ALDH7A1: variants seen among roughly 807,000 people sequenced by gnomAD.
ALDH7A1 encodes the protein alpha-aminoadipic semialdehyde dehydrogenase.
In ALDH7A1, 63 loss-of-function variants were observed where a neutral mutation model predicts 79.9. That is an observed-to-expected ratio of 0.79 (90% CI 0.64 to 0.97). ALDH7A1 has a LOEUF of 0.97. Ranked by LOEUF, ALDH7A1 falls within the 50% of genes least tolerant of loss-of-function variation. The pLI, the probability that ALDH7A1 is intolerant of heterozygous loss-of-function variation, is 0.00. For synonymous variants in ALDH7A1, 240 were observed against 231.2 expected (o/e 1.04, Z -0.34); for missense variants, 627 against 665.2 (o/e 0.94, Z 0.63).
chr5:126,554,730 T>C (rs1302107672), intron 12 of ALDH7A1: 1 of 371,250 alleles, frequency 2.7e-6, no homozygotes, highest in Admixed American at 3.7e-5. Context: ...GGAATGGCTA[T>C]CAATTACTCA....
intron 9 of ALDH7A1, among the ~76,000 whole-genome samples, chr5:126,567,330 T>C (rs1415069440): frequency 6.6e-6 from 1 of 152,230 alleles, no homozygotes; most frequent in South Asian, 2.1e-4. Flanking sequence ...GACTGTACCC[T>C]TTCTACAGGA....
At chr5:126,587,071 T>C (rs1001466114) in intron 3 of ALDH7A1, 1 of 149,408 alleles carries the variant, frequency 6.7e-6, no homozygotes, top group Non-Finnish European at 1.5e-5. Context: ...AGAGTAAGAC[T>C]GTCTCAAAAA....
At chr5:126,559,497 A>G in intron 10 of ALDH7A1, 163 bp from the exon 11 acceptor site, 1 of 564,498 alleles carries the variant, frequency 1.8e-6, no homozygotes, top group Non-Finnish European at 3.2e-6. Flanking sequence ...GTGCAATGGC[A>G]CGATCTCGGC....
Position 126,543,947 on chromosome 5 carries a change from A to G in ALDH7A1, c.*1018T>C, listed in dbSNP as rs1168140371. On this transcript the variant is annotated 3_prime_UTR_variant, in exon 18 of 18. Transcript: ENST00000409134. The stretch of plus-strand genomic sequence containing the variant: ...TAAAGAAGGTGGTCTAAGGTTGTAT[A>G]AAAAAATCCAGATGCACTTTTTTTT... 6.6e-6 allele frequency: 1 copy of G among 151,594 alleles called. No homozygotes were observed. The highest frequency in any genetic ancestry group is 1.5e-5 in the Non-Finnish European group (1 of 68,040). The allele number at this position is 151,594 out of a possible 1,614,324, so 9.4% of individuals were successfully genotyped here.
chr5:126,582,677 T>A (rs1235999980), intron 5 of ALDH7A1, 174 bp downstream of exon 5: 4 of 782,016 alleles, frequency 5.1e-6, no homozygotes, highest in Non-Finnish European at 8.1e-6. Context: ...AGGTTCTTGA[T>A]CTAACATTTT....
chr5:126,592,690 T>C lies in ALDH7A1; in HGVS notation c.286A>G (p.Arg96Gly), dbSNP rs1751591318. ...ADYEETVKKAREAWKIWADIP... is the reference protein window; with the variant it reads ...ADYEETVKKAGEAWKIWADIP... Reference sequence around the variant, plus strand: ...TCTGCCCAGATTTTCCATGCTTCTCTTGCTTTCTTTACAGTTTCTTCATAG... The same window carrying C: ...TCTGCCCAGATTTTCCATGCTTCTCCTGCTTTCTTTACAGTTTCTTCATAG... Residue 96 changes from arginine to glycine, a missense_variant, in exon 3 of 18, where the codon AGA (arginine) becomes GGA (glycine). By Grantham distance (125) the Arg-to-Gly change is moderately radical (BLOSUM62 -2). Coordinates refer to ENST00000409134, the MANE Select transcript of ALDH7A1 (RefSeq NM_001182.5). The C allele has an allele frequency of 6.2e-7, 1 of 1,614,140 alleles. No individual in the cohort carries two copies. Among genetic ancestry groups the C allele is most frequent in the Non-Finnish European group, 8.5e-7 (1 of 1,180,028 alleles).
Position 126,578,446 on chromosome 5 carries a change from T to C in ALDH7A1, c.518-1235A>G, listed in dbSNP as rs1036796477. Among the ~76,000 whole-genome samples the C allele has an allele frequency of 3.9e-5, 6 of 151,958 alleles. No homozygotes were observed. The East Asian group carries it at 1.2e-3, about 29-fold the overall frequency. ...AATCACTTGAGCTCAGTTTGAGACT[T>C]GGATCAACATGGCAAGACCCCTGAC... On this transcript the variant is annotated intron_variant, in intron 5 of 17. Transcript: ENST00000409134.
intron 9 of ALDH7A1, chr5:126,567,899 T>G: frequency 3.3e-6 from 1 of 305,988 alleles, no homozygotes; most frequent in Admixed American, 4.2e-5. Flanking sequence ...TTCTCTTGCC[T>G]CAGCCTCCCG....
intron 9 of ALDH7A1, among the ~76,000 whole-genome samples, chr5:126,565,219 C>G (rs1404012698): frequency 6.6e-6 from 1 of 151,804 alleles, no homozygotes; most frequent in Non-Finnish European, 1.5e-5. Context: ...ATGGTGAAAC[C>G]CTGTCTCTAC....
chr5:126,571,234 T>G, intron 7 of ALDH7A1: 1 of 284,470 alleles, frequency 3.5e-6, no homozygotes, highest in Non-Finnish European at 6.7e-6. Context: ...TCCCAGCACT[T>G]TGGGAGGCCG....
Position 126,542,586 on chromosome 5 carries a change from G to A in ALDH7A1, c.*2379C>T, listed in dbSNP as rs1214282368. On this transcript the variant is annotated 3_prime_UTR_variant, in exon 18 of 18. Transcript: ENST00000409134. ...AGCATGAGGTGGAAGGATAGATTGAGCCCAGGAGTTGGAGGCTGCAGTGAG... is the reference window on the plus strand; with the variant it reads ...AGCATGAGGTGGAAGGATAGATTGAACCCAGGAGTTGGAGGCTGCAGTGAG... The A allele has an allele frequency of 1.3e-5, 2 of 152,214 alleles. No homozygotes were observed. Among genetic ancestry groups the A allele is most frequent in the African/African-American group, 4.8e-5 (2 of 41,430 alleles). The allele number at this position is 152,214 out of a possible 1,614,324, so 9.4% of individuals were successfully genotyped here.
At chr5:126,594,141 G>A in intron 1 of ALDH7A1, 1 of 465,088 alleles carries the variant, frequency 2.2e-6, no homozygotes, top group Non-Finnish European at 4.5e-6. Flanking sequence ...ATTGTTTTGA[G>A]CAGTAATGGG....
intron 3 of ALDH7A1, among the ~76,000 whole-genome samples, chr5:126,589,446 G>A (rs7723494): frequency 0.2 from 30,009 of 151,754 alleles, 5,503 homozygotes; most frequent in African/African-American, 0.49. Context: ...GTGAGCCATC[G>A]TGCCTGGTCT....
intron 3 of ALDH7A1, among the ~76,000 whole-genome samples, chr5:126,585,622 C>T (rs929694823): frequency 3.3e-5 from 5 of 152,134 alleles, no homozygotes; most frequent in African/African-American, 4.8e-5. Flanking sequence ...AGTGCAGTGG[C>T]GCGATCTCGG....
Position 126,595,163 on chromosome 5 carries a change from A to G in ALDH7A1, c.36T>C (p.Ala12=), listed in dbSNP as rs779646478. The change falls in exon 1 of 18, where the codon GCT becomes GCC. Residue 12 remains alanine (A), a synonymous_variant. Transcript: ENST00000409134. The part of the protein sequence containing the change: ...WRLPRALCVH[A]AKTSKLSGPW... ...GTCCAGAGAGCTTGCTGGTCTTTGC[A>G]GCGTGCACACACAGCGCGCGAGGAA... 6 of 1,555,352 alleles carry G rather than the reference A, an allele frequency of 3.9e-6. No homozygotes were observed. In the South Asian group the frequency reaches 4.7e-5, roughly 12 times the overall value.
At chr5:126,582,790 T>A in intron 5 of ALDH7A1, 61 bp downstream of exon 5, 1 of 1,557,522 alleles carries the variant, frequency 6.4e-7, no homozygotes, top group Non-Finnish European at 8.8e-7. Context: ...GAGTATTTTA[T>A]TTTTTTTGGA....
At chr5:126,585,474 C>T (rs1463122882) in intron 3 of ALDH7A1, among the ~76,000 whole-genome samples, 1 of 152,160 alleles carries the variant, frequency 6.6e-6, no homozygotes, top group Non-Finnish European at 1.5e-5. Context: ...CTCTCTTCTC[C>T]CCAAGTGTAT....
intron 8 of ALDH7A1, chr5:126,568,735 C>T: frequency 3.5e-6 from 1 of 282,128 alleles, no homozygotes; most frequent in South Asian, 4.0e-5. Context: ...TGGGCAGGAC[C>T]AGCCTAGGCA....
At chr5:126,594,460 T>C (rs958487698) in intron 1 of ALDH7A1, 10 of 288,244 alleles carry the variant, frequency 3.5e-5, no homozygotes, top group Middle Eastern at 1.3e-3. Flanking sequence ...TTTTTTTTTT[T>C]TGAGACGGAA....
Sources: allele counts gnomAD v4.1 joint callset (sites outside exome capture counted in the v4.1 genomes callset), GRCh38; gene constraint gnomAD v4.1.1; transcripts MANE v1.5; gene names NCBI Gene and HGNC (gene_info 2026-07-23, HGNC 2026-07-21).